Variants in DNAH8 observed in about 807,000 individuals in gnomAD.
DNAH8 encodes axonemal beta dynein heavy chain 8.
Under a neutral mutation model 562.1 loss-of-function variants are expected in DNAH8, and 382 were observed. The observed-to-expected ratio is 0.68, with a 90% CI of 0.63 to 0.74. The LOEUF is 0.74. Among genes scored for constraint, DNAH8 ranks in the 30% least tolerant of loss-of-function variants. DNAH8 has a pLI of 0.00. For missense variants in DNAH8, 5,203 were observed against 5,620.4 expected, an observed-to-expected ratio of 0.93 and a Z score of 2.37; for synonymous variants, 1,881 against 1,919.4, an observed-to-expected ratio of 0.98 and a Z score of 0.52.
intron 86 of DNAH8, among the ~76,000 whole-genome samples, chr6:38,983,542 A>G (rs1328020393): frequency 1.3e-5 from 2 of 152,256 alleles, no homozygotes; most frequent in Non-Finnish European, 2.9e-5. Context: ...AAAGGCAACC[A>G]AGCTGAAAAA....
Position 39,000,707 on chromosome 6 carries a change from T to C in DNAH8, c.13215-8107T>C, listed in dbSNP as rs1410765489. Among the ~76,000 whole-genome samples the C allele has an allele frequency of 2.0e-5, 3 of 152,352 alleles. No homozygotes were observed. The East Asian group carries it at 5.8e-4, about 29-fold the overall frequency. On this transcript the variant is annotated intron_variant, in intron 88 of 92. Coordinates refer to ENST00000327475, the MANE Select transcript of DNAH8 (RefSeq NM_001206927.2). The stretch of plus-strand genomic sequence containing the variant: ...GATGGTGAGTTGTATAATTACTTCA[T>C]TATATATTACAATGTAATAATAGTG...
At chr6:38,757,673 T>C (rs1455959365) in intron 10 of DNAH8, among the ~76,000 whole-genome samples, 2 of 152,248 alleles carry the variant, frequency 1.3e-5, no homozygotes, top group East Asian at 3.8e-4. Context: ...TTTAAGTCTT[T>C]AATCCATCTT....
chr6:38,777,672 A>G (rs754532601), intron 13 of DNAH8, among the ~76,000 whole-genome samples: 10 of 152,048 alleles, frequency 6.6e-5, no homozygotes, highest in Non-Finnish European at 1.2e-4. Flanking sequence ...TCCTCAAGCT[A>G]TCCTCCCATC....
At chr6:38,766,385 C>T (rs1381854591) in intron 11 of DNAH8, among the ~76,000 whole-genome samples, 1 of 152,030 alleles carries the variant, frequency 6.6e-6, no homozygotes, top group African/African-American at 2.4e-5. Context: ...AGGGATGGCA[C>T]AATGACGAGA....
At chr6:38,956,982 G>A (rs935599272) in intron 82 of DNAH8, among the ~76,000 whole-genome samples, 2 of 152,152 alleles carry the variant, frequency 1.3e-5, no homozygotes, top group Non-Finnish European at 2.9e-5. Flanking sequence ...ACGATTAAGA[G>A]ACACAGAGTG....
At chr6:38,725,021 G>A (rs1333003855) in intron 3 of DNAH8, among the ~76,000 whole-genome samples, 2 of 151,896 alleles carry the variant, frequency 1.3e-5, no homozygotes, top group African/African-American at 4.8e-5. Flanking sequence ...AGCTACTCCC[G>A]GCCGGGCGCA....
In DNAH8 at chr6:38,781,239, G is replaced by T; in HGVS notation, c.2140-15G>T. On this transcript the variant is annotated splice_polypyrimidine_tract_variant and intron_variant, in intron 15 of 92. Transcript: ENST00000327475. ...GTATTGAATTCAAACATTAACATCA[G>T]ATTTTTAATTACAGCTTTATCATTC... The T allele has an allele frequency of 1.9e-6, 3 of 1,613,228 alleles. No individual in the cohort carries two copies. The highest frequency in any genetic ancestry group is 2.5e-6 in the Non-Finnish European group (3 of 1,179,634).
intron 82 of DNAH8, 86 bp from the exon 83 acceptor site, chr6:38,971,506 C>A: frequency 1.3e-6 from 1 of 750,792 alleles, no homozygotes. Context: ...TAGAAGGAGG[C>A]TATAATCATT....
In DNAH8 at chr6:38,786,943, G is replaced by A. The variant is rs766821038; in HGVS notation, c.2574G>A (p.Leu858=). The change falls in exon 18 of 93, where the codon CTG becomes CTA. Residue 858 remains leucine, a synonymous_variant. Coordinates refer to ENST00000327475, the MANE Select transcript of DNAH8 (RefSeq NM_001206927.2). The stretch of plus-strand genomic sequence containing the variant: ...AAAGTAAATTGAAAGCAGACAAACT[G>A]TATTTGCAGGTAAGATAGATTATGT... The part of the protein sequence containing the change: ...KLESKLKADK[L]YLQGLLQYYD... The A allele has an allele frequency of 2.5e-6, 4 of 1,597,770 alleles. No homozygotes were observed. Among genetic ancestry groups the A allele is most frequent in the Non-Finnish European group, 3.4e-6 (4 of 1,173,572 alleles).
At chr6:38,948,685 G>T (rs1761631725) in intron 80 of DNAH8, among the ~76,000 whole-genome samples, 1 of 152,170 alleles carries the variant, frequency 6.6e-6, no homozygotes, top group African/African-American at 2.4e-5. Context: ...CAGCCTGATT[G>T]TTGCTGAAGA....
chr6:38,838,045 A>G lies in DNAH8; in HGVS notation c.4466+3A>G. 6.3e-7 allele frequency: 1 copy of G among 1,584,534 alleles called. No homozygotes were observed. Among genetic ancestry groups the G allele is most frequent in the South Asian group, 1.1e-5 (1 of 88,502 alleles). On this transcript the variant is annotated splice_donor_region_variant and intron_variant, in intron 33 of 92. Coordinates refer to ENST00000327475, the MANE Select transcript of DNAH8 (RefSeq NM_001206927.2). Reference sequence around the variant, plus strand: ...TATGAGGTTTTACACAAAACCAGGTAAGTTTAGAAAATAAGCAAGTATTAC... The same window carrying G: ...TATGAGGTTTTACACAAAACCAGGTGAGTTTAGAAAATAAGCAAGTATTAC...
At chr6:38,913,636 G>A (rs1367723659) in intron 66 of DNAH8, among the ~76,000 whole-genome samples, 1 of 152,040 alleles carries the variant, frequency 6.6e-6, no homozygotes, top group African/African-American at 2.4e-5. Context: ...ATATTCTTCG[G>A]TCAGAGCTAT....
intron 62 of DNAH8, among the ~76,000 whole-genome samples, chr6:38,905,594 T>C (rs2150518525): frequency 6.6e-6 from 1 of 152,310 alleles, no homozygotes; most frequent in South Asian, 2.1e-4. Context: ...TTAGATATTA[T>C]ATATATATTT....
At chr6:38,895,021 C>T (rs570315133) in intron 59 of DNAH8, among the ~76,000 whole-genome samples, 157 bp downstream of exon 59, 6 of 152,198 alleles carry the variant, frequency 3.9e-5, no homozygotes, top group East Asian at 3.9e-4. Flanking sequence ...CTCTGCCTCC[C>T]GGGTTCAAGT....
At chr6:39,016,610 T>C (rs12196045) in intron 91 of DNAH8, among the ~76,000 whole-genome samples, 1 of 151,408 alleles carries the variant, frequency 6.6e-6, no homozygotes. Context: ...GCAGTTTGTA[T>C]AAAGGCTGTA....
At position 38,929,274 on chromosome 6, in the gene DNAH8, T is replaced by C. The variant is rs1438254900; in HGVS notation, c.11119-237T>C. The stretch of plus-strand genomic sequence containing the variant: ...TGACATTGCATCTGAGCAATGCCCC[T>C]TAACCCTCCTCTTTTGATCATAGAG... On this transcript the variant is annotated intron_variant, in intron 74 of 92. Transcript: ENST00000327475. The C allele has an allele frequency of 9.0e-6, 3 of 332,852 alleles. No homozygotes were observed. In the East Asian group the frequency reaches 1.5e-4, roughly 16 times the overall value. The allele number at this position is 332,852 out of a possible 1,614,324, so 20.6% of individuals were successfully genotyped here. A position where few individuals can be genotyped will look rare whatever the true frequency, so the allele number is the denominator to read the frequency against.
At chr6:38,762,718 G>C (rs554097444) in intron 11 of DNAH8, among the ~76,000 whole-genome samples, 5 of 152,248 alleles carry the variant, frequency 3.3e-5, no homozygotes, top group Admixed American at 3.3e-4. Context: ...GGTCATCTCT[G>C]TGTGCAGGTT....
chr6:38,865,667 C>G (rs1776976737), intron 45 of DNAH8, among the ~76,000 whole-genome samples: 1 of 152,346 alleles, frequency 6.6e-6, no homozygotes, highest in African/African-American at 2.4e-5. Flanking sequence ...CAGTGTGCCC[C>G]TTTGCATCTC....
intron 54 of DNAH8, 38 bp from the exon 55 acceptor site, chr6:38,883,284 T>C: frequency 6.4e-7 from 1 of 1,566,372 alleles, no homozygotes; most frequent in South Asian, 1.2e-5. Context: ...ACTAAATAAG[T>C]TGTAACACAT....
Sources: allele counts gnomAD v4.1 joint callset (sites outside exome capture counted in the v4.1 genomes callset), GRCh38; gene constraint gnomAD v4.1.1; transcripts MANE v1.5; gene names NCBI Gene and HGNC (gene_info 2026-07-23, HGNC 2026-07-21).